CEP89: variants seen among roughly 807,000 people sequenced by gnomAD.
The protein encoded by CEP89 is centrosomal protein of 89 kDa.
In CEP89, 95 loss-of-function variants were observed where a neutral mutation model predicts 97.6. The observed-to-expected ratio is 0.97, with a 90% CI of 0.82 to 1.15. CEP89 has a LOEUF of 1.15. Among genes scored for constraint, CEP89 ranks in the 50% most tolerant of loss-of-function variants. The probability of loss-of-function intolerance (pLI) is 0.00; values close to 1 mark genes in which losing one functional copy is unlikely to be tolerated. For missense variants in CEP89, 869 were observed against 947.7 expected (o/e 0.92, Z 1.09); for synonymous variants, 354 against 349.1 (o/e 1.01, Z -0.16).
At chr19:32,967,145 A>T (rs545380113) in intron 1 of CEP89, among the ~76,000 whole-genome samples, 14 of 152,200 alleles carry the variant, frequency 9.2e-5, no homozygotes, top group Admixed American at 8.5e-4. Context: ...ATCTTTATCA[A>T]TCCTGGAACT....
intron 12 of CEP89, among the ~76,000 whole-genome samples, chr19:32,922,507 C>T (rs968718213): frequency 6.6e-6 from 1 of 151,774 alleles, no homozygotes; most frequent in African/African-American, 2.4e-5. Flanking sequence ...TGAGCCACTG[C>T]ACTCCAGCCT....
intron 1 of CEP89, among the ~76,000 whole-genome samples, chr19:32,968,280 T>G (rs8104711): frequency 0.13 from 20,047 of 152,222 alleles, 1,378 homozygotes; most frequent in East Asian, 0.29. Context: ...GAGACAGTCT[T>G]GTCTGTCACC....
rs1022384847 is a variant in CEP89 at position 32,933,335 on chromosome 19, G to A, written c.886+116C>T. The A allele has an allele frequency of 4.8e-6, 4 of 838,438 alleles. No individual in the cohort carries two copies. In the East Asian group the frequency reaches 9.8e-5, roughly 21 times the overall value. 51.9% of individuals were successfully genotyped at this position (838,438 alleles called of 1,614,324 possible). Reference sequence around the variant, plus strand: ...CATAAGGATATTAACAAAAAAACCTGAAATATTACAACATAAATTACCAAC... The same window carrying A: ...CATAAGGATATTAACAAAAAAACCTAAAATATTACAACATAAATTACCAAC... On this transcript the variant is annotated intron_variant, in intron 8 of 18. Coordinates refer to ENST00000305768, the MANE Select transcript of CEP89 (RefSeq NM_032816.5).
intron 16 of CEP89, 96 bp downstream of exon 16, chr19:32,899,761 G>T: frequency 1.6e-6 from 2 of 1,266,892 alleles, no homozygotes; most frequent in Non-Finnish European, 2.2e-6. Context: ...GGAATGCCTG[G>T]ATAAAGCTTT....
chr19:32,943,312 T>C (rs1252039492), intron 5 of CEP89, among the ~76,000 whole-genome samples: 1 of 152,138 alleles, frequency 6.6e-6, no homozygotes, highest in Non-Finnish European at 1.5e-5. Flanking sequence ...CCAATCTTTA[T>C]AGAAAGAAAA....
chr19:32,925,438 GC>G (rs1217096409), intron 11 of CEP89, among the ~76,000 whole-genome samples: 3 of 149,440 alleles, frequency 2.0e-5, no homozygotes, highest in African/African-American at 7.4e-5. Context: ...ATCTAAGTTT[GC>G]CCAAAACATC....
In CEP89 at chr19:32,877,892, GC is replaced by G. The variant is rs1969201146; in HGVS notation, c.*1269del. 1 of 152,108 alleles carries G rather than the reference GC, an allele frequency of 6.6e-6. No individual in the cohort carries two copies. Among genetic ancestry groups the G allele is most frequent in the Non-Finnish European group, 1.5e-5 (1 of 68,092 alleles). 9.4% of individuals were successfully genotyped at this position (152,108 alleles called of 1,614,324 possible). On this transcript the variant is annotated 3_prime_UTR_variant, in exon 19 of 19. Transcript: ENST00000305768. The stretch of plus-strand genomic sequence containing the variant: ...CCTTCCAGGTTCAAGCAATTCTCCT[GC>G]CTCAGCCTCCCAAGTAGCTGGGATT...
chr19:32,965,264 G>A (rs1971256392), intron 2 of CEP89, among the ~76,000 whole-genome samples: 1 of 152,112 alleles, frequency 6.6e-6, no homozygotes, highest in African/African-American at 2.4e-5. Context: ...AGCCAGGCAT[G>A]GTGGTGTGTA....
intron 16 of CEP89, among the ~76,000 whole-genome samples, chr19:32,896,879 A>C (rs546837649): frequency 2.0e-5 from 3 of 152,296 alleles, no homozygotes; most frequent in African/African-American, 7.2e-5. Context: ...GACATTCCCC[A>C]AAAGCAGACA....
At position 32,915,382 on chromosome 19, in the gene CEP89, T is replaced by C. The variant is rs147765891; in HGVS notation, c.1520A>G (p.Lys507Arg). 6.2e-7 allele frequency: 1 copy of C among 1,612,222 alleles called. No individual in the cohort carries two copies. Among genetic ancestry groups the C allele is most frequent in the African/African-American group, 1.3e-5 (1 of 74,934 alleles). ...CQELKTHSDG[K>R]IAVEVHKSIV... The stretch of plus-strand genomic sequence containing the variant: ...TGATTTATGAACTTCCACTGCGATT[T>C]TGCCATCCGAGTGTGTTTTGAGTTC... The change falls in exon 14 of 19, where the codon AAA becomes AGA. Residue 507 changes from lysine to arginine, a missense_variant. Transcript: ENST00000305768.
intron 14 of CEP89, among the ~76,000 whole-genome samples, chr19:32,912,483 C>T (rs1177144786): frequency 6.6e-6 from 1 of 152,132 alleles, no homozygotes; most frequent in Non-Finnish European, 1.5e-5. Context: ...GAGATCCTGC[C>T]TGGGTTTCCA....
intron 11 of CEP89, among the ~76,000 whole-genome samples, chr19:32,923,880 CTTTG>C (rs1970303181): frequency 6.6e-6 from 1 of 152,104 alleles, no homozygotes; most frequent in African/African-American, 2.4e-5. Context: ...GACATTTTTC[CTTTG>C]TTTGAAGATG....
At chr19:32,911,616 C>T (rs1970002620) in intron 14 of CEP89, among the ~76,000 whole-genome samples, 1 of 152,174 alleles carries the variant, frequency 6.6e-6, no homozygotes, top group Non-Finnish European at 1.5e-5. Context: ...CGTACCACTG[C>T]ACTTCAGCCT....
At chr19:32,910,192 CA>C (rs1341942449) in intron 14 of CEP89, among the ~76,000 whole-genome samples, 14 of 151,762 alleles carry the variant, frequency 9.2e-5, no homozygotes, top group Non-Finnish European at 1.9e-4. Context: ...ACCCAGAAGG[CA>C]GAGGTTGTAG....
intron 14 of CEP89, among the ~76,000 whole-genome samples, chr19:32,914,068 G>C (rs1236067498): frequency 6.6e-6 from 1 of 152,180 alleles, no homozygotes; most frequent in Admixed American, 6.5e-5. Context: ...GTGGGGCTGA[G>C]GTAGTAGGAG....
chr19:32,960,960 G>A (rs930182632), intron 2 of CEP89, among the ~76,000 whole-genome samples: 1 of 152,192 alleles, frequency 6.6e-6, no homozygotes, highest in African/African-American at 2.4e-5. Flanking sequence ...GTGTAGGATA[G>A]AGTGCCGGAA....
At chr19:32,893,972 C>T (rs915930723) in intron 16 of CEP89, among the ~76,000 whole-genome samples, 1 of 152,096 alleles carries the variant, frequency 6.6e-6, no homozygotes, top group Non-Finnish European at 1.5e-5. Context: ...TGATGTACCT[C>T]AAGGAACTAG....
At position 32,876,334 on chromosome 19, in the gene CEP89, C is replaced by T. The variant is rs915949557; in HGVS notation, c.*2828G>A. Reference sequence around the variant, plus strand: ...ACTCGCGTGCCTGGGTCATGTTCTACAGCTGCTTGACCAGGAATCTTCCAA... The same window carrying T: ...ACTCGCGTGCCTGGGTCATGTTCTATAGCTGCTTGACCAGGAATCTTCCAA... On this transcript the variant is annotated 3_prime_UTR_variant, in exon 19 of 19. Transcript: ENST00000305768. 2.6e-5 allele frequency: 4 copies of T among 152,436 alleles called. No homozygotes were observed. The highest frequency in any genetic ancestry group is 1.3e-4 in the Admixed American group (2 of 15,288). The allele number at this position is 152,436 out of a possible 1,614,324, so 9.4% of individuals were successfully genotyped here.
intron 16 of CEP89, among the ~76,000 whole-genome samples, chr19:32,897,699 C>T (rs1304010550): frequency 6.6e-6 from 1 of 152,090 alleles, no homozygotes; most frequent in East Asian, 1.9e-4. Flanking sequence ...GTAGCTGAAA[C>T]CACAGGCATG....
Sources: gnomAD v4.1 joint callset for allele counts (sites outside exome capture counted in the v4.1 genomes callset) on GRCh38, gnomAD v4.1.1 for gene constraint, MANE v1.5 for transcripts, NCBI Gene and HGNC (gene_info 2026-07-23, HGNC 2026-07-21) for gene names.